Variants in KLF7 observed in about 807,000 individuals in gnomAD.
KLF7 encodes KLF transcription factor 7, also known as Krueppel-like factor 7.
A neutral mutation model predicts 27.3 loss-of-function variants in KLF7; 2 were observed. The ratio of observed to expected loss-of-function variants is 0.07; its 90% confidence interval spans 0.03 to 0.23. KLF7 has a LOEUF of 0.23. KLF7 is among the 10% of genes least tolerant of loss of function. The pLI, the probability that KLF7 is intolerant of heterozygous loss-of-function variation, is 1.00. For missense variants in KLF7, 221 were observed against 394.1 expected (o/e 0.56, Z 3.72); for synonymous variants, 165 against 162.4 (o/e 1.02, Z -0.12).
chr2:207,164,625 G>A (rs2078647217), intron 1 of KLF7, among the ~76,000 whole-genome samples: 1 of 152,146 alleles, frequency 6.6e-6, no homozygotes, highest in African/African-American at 2.4e-5. Flanking sequence ...ATCCTCCCTG[G>A]GACGGCTAGC....
At chr2:207,126,517 C>T (rs1179832541) in intron 1 of KLF7, among the ~76,000 whole-genome samples, 5 of 152,180 alleles carry the variant, frequency 3.3e-5, no homozygotes, top group African/African-American at 1.2e-4. Flanking sequence ...ATACATATCT[C>T]TGGGAATACA....
chr2:207,087,596 T>C (rs910228927), intron 3 of KLF7, among the ~76,000 whole-genome samples: 2 of 152,234 alleles, frequency 1.3e-5, no homozygotes, highest in Admixed American at 1.3e-4. Flanking sequence ...TTTCTCATCA[T>C]AACCGAGACC....
At position 207,123,966 on chromosome 2, in the gene KLF7, C is replaced by G. The variant is rs769088487; in HGVS notation, c.541G>C (p.Val181Leu). ...GTCACGGCTGCTGCAGCTGTTGCGA[C>G]CCCTCCCACCTTTACGGAGCTGAGA... Reference protein sequence around the residue: ...AALSSVKVGGVATAAAAVTAA... With the variant: ...AALSSVKVGGLATAAAAVTAA... The change falls in exon 2 of 4, where the codon GTC becomes CTC. Residue 181 changes from valine to leucine, a missense_variant. Val to Leu is a conservative substitution (Grantham distance 32, BLOSUM62 1). Around this residue, in one of 3 missense-constraint regions of KLF7, gnomAD observed 180 missense variants for 227.9 expected, o/e 0.79. Coordinates refer to ENST00000309446, the MANE Select transcript of KLF7 (RefSeq NM_003709.4). 1.9e-6 allele frequency: 3 copies of G among 1,614,084 alleles called. No homozygotes were observed. The highest frequency in any genetic ancestry group is 2.7e-5 in the African/African-American group (2 of 74,916).
intron 1 of KLF7, among the ~76,000 whole-genome samples, chr2:207,144,262 G>A (rs1423589100): frequency 6.6e-6 from 1 of 152,020 alleles, no homozygotes; most frequent in African/African-American, 2.4e-5. Flanking sequence ...CAAGTGAAAA[G>A]TCATGTCAAG....
At position 207,080,979 on chromosome 2, in the gene KLF7, G is replaced by A. The variant is rs1471190163; in HGVS notation, c.*234C>T. The A allele has an allele frequency of 6.4e-6, 3 of 465,606 alleles. No individual in the cohort carries two copies. Among genetic ancestry groups the A allele is most frequent in the South Asian group, 5.1e-5 (1 of 19,522 alleles). The allele number at this position is 465,606 out of a possible 1,614,324, so 28.8% of individuals were successfully genotyped here. A position where few individuals can be genotyped will look rare whatever the true frequency, so the allele number is the denominator to read the frequency against. On this transcript the variant is annotated 3_prime_UTR_variant, in exon 4 of 4. Transcript: ENST00000309446. ...TCTTCTTCCATCTGGCTAGGGCAAGGCATAAAGAATAGACGTATATATTTT... is the reference window on the plus strand; with the variant it reads ...TCTTCTTCCATCTGGCTAGGGCAAGACATAAAGAATAGACGTATATATTTT...
At chr2:207,155,954 T>C (rs565424664) in intron 1 of KLF7, among the ~76,000 whole-genome samples, 6 of 152,334 alleles carry the variant, frequency 3.9e-5, no homozygotes, top group Non-Finnish European at 2.9e-5. Context: ...ATTGAATTCC[T>C]GCTAACTCGG....
chr2:207,160,247 T>C (rs1472974853), intron 1 of KLF7, among the ~76,000 whole-genome samples: 3 of 152,156 alleles, frequency 2.0e-5, no homozygotes, highest in Admixed American at 6.6e-5. Context: ...CAATCGTTTA[T>C]GCTAAGCAAG....
chr2:207,077,525 G>C lies in KLF7; in HGVS notation c.*3688C>G, dbSNP rs1043358603. The C allele has an allele frequency of 6.6e-6, 1 of 152,224 alleles. No homozygotes were observed. Among genetic ancestry groups the C allele is most frequent in the African/African-American group, 2.4e-5 (1 of 41,452 alleles). The allele number at this position is 152,224 out of a possible 1,614,324, so 9.4% of individuals were successfully genotyped here. A position where few individuals can be genotyped will look rare whatever the true frequency, so the allele number is the denominator to read the frequency against. ...GAGAAGAGGATATTTGAAGGGCTTT[G>C]CAAGGGAAAGCACACAGAGAGGAGG... On this transcript the variant is annotated 3_prime_UTR_variant, in exon 4 of 4. Transcript: ENST00000309446.
chr2:207,161,107 C>G (rs918364265), intron 1 of KLF7, among the ~76,000 whole-genome samples: 9 of 152,282 alleles, frequency 5.9e-5, no homozygotes, highest in African/African-American at 2.2e-4. Context: ...ATGTTTGAAG[C>G]CCCTAAATCT....
At chr2:207,156,483 T>C (rs1298263590) in intron 1 of KLF7, among the ~76,000 whole-genome samples, 1 of 152,230 alleles carries the variant, frequency 6.6e-6, no homozygotes, top group Non-Finnish European at 1.5e-5. Flanking sequence ...CAGATGTACA[T>C]GCATGCATCC....
intron 1 of KLF7, among the ~76,000 whole-genome samples, chr2:207,159,813 G>T (rs890932085): frequency 2.0e-5 from 3 of 152,114 alleles, no homozygotes; most frequent in Non-Finnish European, 4.4e-5. Context: ...GGTACTGCTC[G>T]AATGGAGGGG....
intron 1 of KLF7, among the ~76,000 whole-genome samples, chr2:207,148,070 G>A (rs1383584804): frequency 6.6e-6 from 1 of 152,056 alleles, no homozygotes. Context: ...ACAGAGAAAG[G>A]TATGGCTCTC....
At chr2:207,168,508 T>C (rs2078761080), upstream of KLF7, among the ~76,000 whole-genome samples, 1 of 152,174 alleles carries the variant, frequency 6.6e-6, no homozygotes, top group South Asian at 2.1e-4. Flanking sequence ...CCCACACTGT[T>C]CTGTACTGAG....
At chr2:207,102,653 A>G (rs2076794466) in intron 2 of KLF7, among the ~76,000 whole-genome samples, 4 of 152,336 alleles carry the variant, frequency 2.6e-5, no homozygotes, top group Middle Eastern at 3.4e-3. Flanking sequence ...ATACATTTAG[A>G]ATTTCAGAAC....
chr2:207,139,047 G>A (rs941449362), intron 1 of KLF7, among the ~76,000 whole-genome samples: 4 of 152,136 alleles, frequency 2.6e-5, no homozygotes, highest in African/African-American at 9.7e-5. Flanking sequence ...TGCGAAGGTA[G>A]GGGATGCTTT....
intron 1 of KLF7, among the ~76,000 whole-genome samples, chr2:207,155,117 A>G (rs1356000143): frequency 6.6e-6 from 1 of 152,200 alleles, no homozygotes; most frequent in African/African-American, 2.4e-5. Flanking sequence ...GATTTTAAGC[A>G]AGCCATTCAA....
intron 1 of KLF7, among the ~76,000 whole-genome samples, chr2:207,157,219 TAAAAAAA>T (rs5838052): frequency 4.6e-5 from 4 of 87,314 alleles, no homozygotes; most frequent in African/African-American, 1.3e-4. Context: ...AACAGAAAAG[TAAAAAAA>T]AAAAAAAAAA....
intron 1 of KLF7, among the ~76,000 whole-genome samples, chr2:207,165,067 G>C (rs1224306025): frequency 8.3e-6 from 1 of 119,940 alleles, no homozygotes; most frequent in African/African-American, 3.2e-5. Flanking sequence ...CAGGTATCAA[G>C]TGGGTAGAGC....
chr2:207,104,758 C>T (rs1042637127), intron 2 of KLF7, among the ~76,000 whole-genome samples: 2 of 152,200 alleles, frequency 1.3e-5, no homozygotes, highest in African/African-American at 4.8e-5. Flanking sequence ...CTCACTCTGC[C>T]TTTCATATAA....
Sources: gnomAD v4.1 joint callset for allele counts (sites outside exome capture counted in the v4.1 genomes callset) on GRCh38, gnomAD v4.1.1 for gene constraint, gnomAD v4.1.1 regional missense constraint, MANE v1.5 for transcripts, NCBI Gene and HGNC (gene_info 2026-07-23, HGNC 2026-07-21) for gene names.